Variants in GPD2 observed in about 807,000 individuals in gnomAD.
GPD2 encodes glycerol-3-phosphate dehydrogenase 2.
Under a neutral mutation model 82.4 loss-of-function variants are expected in GPD2, and 54 were observed. The observed-to-expected ratio is 0.66, with a 90% CI of 0.53 to 0.82. GPD2 has a LOEUF of 0.82. Among genes scored for constraint, GPD2 ranks in the 40% least tolerant of loss-of-function variants. The pLI, the probability that GPD2 is intolerant of heterozygous loss-of-function variation, is 0.00. For synonymous variants in GPD2, 288 were observed against 306.1 expected (o/e 0.94, Z 0.62); for missense variants, 748 against 896.2 (o/e 0.83, Z 2.11).
chr2:156,428,691 T>C, the GPD2 span, among the ~76,000 whole-genome samples: 1 of 152,230 alleles, frequency 6.6e-6, no homozygotes, highest in Non-Finnish European at 1.5e-5. Flanking sequence ...GTAAAATTTC[T>C]CCTTGATGGA....
chr2:156,417,816 C>T, the GPD2 span, among the ~76,000 whole-genome samples: 15 of 150,142 alleles, frequency 1.0e-4, no homozygotes, highest in African/African-American at 3.7e-4. Context: ...CCAGGAGTTC[C>T]AGGTTGCAGT....
intron 6 of GPD2, among the ~76,000 whole-genome samples, chr2:156,526,758 A>T (rs1186590241): frequency 2.0e-5 from 3 of 152,138 alleles, no homozygotes; most frequent in Admixed American, 2.0e-4. Context: ...TCTCCTTCAG[A>T]AAAACAAAAT....
intron 2 of GPD2, among the ~76,000 whole-genome samples, chr2:156,487,690 G>A (rs1683998885): frequency 6.6e-6 from 1 of 152,208 alleles, no homozygotes; most frequent in African/African-American, 2.4e-5. Context: ...CAGCTTCTAG[G>A]CAACTAATGG....
intron 13 of GPD2, among the ~76,000 whole-genome samples, chr2:156,574,581 C>T (rs1687750049): frequency 1.4e-5 from 2 of 146,358 alleles, no homozygotes. Context: ...CTGAGAGTCT[C>T]ACAAAAATAC....
chr2:156,432,787 G>A (rs1237923773), upstream of GPD2, among the ~76,000 whole-genome samples: 1 of 152,176 alleles, frequency 6.6e-6, no homozygotes. Flanking sequence ...GTGGGAGAGT[G>A]GGAACTATAG....
chr2:156,541,502 A>G (rs1186097614), intron 6 of GPD2, among the ~76,000 whole-genome samples: 5 of 152,192 alleles, frequency 3.3e-5, no homozygotes, highest in African/African-American at 1.2e-4. Context: ...TGGGTGTTCA[A>G]TAAATATTTA....
At chr2:156,529,123 T>C (rs867710099) in intron 6 of GPD2, among the ~76,000 whole-genome samples, 24 of 146,898 alleles carry the variant, frequency 1.6e-4, no homozygotes, top group Middle Eastern at 3.4e-3. Flanking sequence ...TTTTAATGAT[T>C]GCCATTCTAA....
chr2:156,509,765 C>CTTTTTTTTTTTT (rs60361072), intron 3 of GPD2, among the ~76,000 whole-genome samples: 11 of 117,374 alleles, frequency 9.4e-5, no homozygotes, highest in Non-Finnish European at 1.5e-4. Context: ...ATATGTTCTT[C>CTTTTTTTTTTTT]TTTTTTTTTT....
intron 6 of GPD2, among the ~76,000 whole-genome samples, chr2:156,529,223 G>A (rs1685739622): frequency 6.6e-6 from 1 of 151,022 alleles, no homozygotes; most frequent in Non-Finnish European, 1.5e-5. Context: ...TTTTTTGGCT[G>A]CATAAATGTC....
chr2:156,540,083 G>A (rs1686247855), intron 6 of GPD2, among the ~76,000 whole-genome samples: 1 of 152,124 alleles, frequency 6.6e-6, no homozygotes, highest in Non-Finnish European at 1.5e-5. Context: ...TGAGCAGCAG[G>A]CAGAAATACT....
Position 156,533,629 on chromosome 2 carries a change from G to T in GPD2, c.662-15979G>T, listed in dbSNP as rs556439435. ...CTGAATTTCATGGTGTGTGATTATT[G>T]GGAAGAAGTTGACTGAATGTTGATA... is the stretch of plus-strand genomic sequence containing the variant. On this transcript the variant is annotated intron_variant, in intron 6 of 16. Coordinates refer to ENST00000438166, the MANE Select transcript of GPD2 (RefSeq NM_000408.5). Among the ~76,000 whole-genome samples the T allele has an allele frequency of 1.5e-4, 23 of 152,298 alleles. No individual in the cohort carries two copies. The South Asian group carries it at 4.8e-3, about 32-fold the overall frequency.
chr2:156,417,916 G>C, the GPD2 span, among the ~76,000 whole-genome samples: 14 of 152,134 alleles, frequency 9.2e-5, no homozygotes, highest in African/African-American at 3.1e-4. Context: ...AAATTGATTT[G>C]AGGAAAAATG....
chr2:156,583,545 A>G lies in GPD2; in HGVS notation c.*627A>G, dbSNP rs1313997959. On this transcript the variant is annotated 3_prime_UTR_variant, in exon 17 of 17. Coordinates refer to ENST00000438166, the MANE Select transcript of GPD2 (RefSeq NM_000408.5). The stretch of plus-strand genomic sequence containing the variant: ...GGGAAGGAAAAGTTTAGATCTGGTT[A>G]CTGGAGCAAGTCTCAAAGAGAAACT... 1 of 157,638 alleles carries G rather than the reference A, an allele frequency of 6.3e-6. No individual in the cohort carries two copies. Among genetic ancestry groups the G allele is most frequent in the Non-Finnish European group, 1.4e-5 (1 of 70,990 alleles). 9.8% of individuals were successfully genotyped at this position (157,638 alleles called of 1,614,324 possible).
rs1250356996 is a variant in GPD2, at chr2:156,549,599, C to G, written c.662-9C>G. 2 of 1,613,558 alleles carry G rather than the reference C, an allele frequency of 1.2e-6. No homozygotes were observed. The highest frequency in any genetic ancestry group is 2.2e-5 in the South Asian group (2 of 91,064). ...TCCTCTCCCTCCCCTGATGCTTTCCCCGCTGCAGGACAACATAACGATGCA... is the reference window on the plus strand; with the variant it reads ...TCCTCTCCCTCCCCTGATGCTTTCCGCGCTGCAGGACAACATAACGATGCA... On this transcript the variant is annotated splice_polypyrimidine_tract_variant and intron_variant, in intron 6 of 16. Coordinates refer to ENST00000438166, the MANE Select transcript of GPD2 (RefSeq NM_000408.5).
upstream of GPD2, among the ~76,000 whole-genome samples, chr2:156,430,651 A>G (rs1408034094): frequency 6.6e-6 from 1 of 152,200 alleles, no homozygotes; most frequent in Non-Finnish European, 1.5e-5. Flanking sequence ...TAGAAAATGA[A>G]AGTGTGGGGT....
chr2:156,503,699 C>T (rs115244945), intron 3 of GPD2, among the ~76,000 whole-genome samples: 53 of 152,032 alleles, frequency 3.5e-4, no homozygotes, highest in African/African-American at 1.2e-3. Flanking sequence ...GTTTTTAAAG[C>T]GAGATGGTAT....
At chr2:156,562,946 C>T (rs1687229513) in intron 9 of GPD2, among the ~76,000 whole-genome samples, 1 of 152,136 alleles carries the variant, frequency 6.6e-6, no homozygotes, top group African/African-American at 2.4e-5. Flanking sequence ...AAAAAATTAA[C>T]TGGGTGCCCT....
intron 9 of GPD2, among the ~76,000 whole-genome samples, chr2:156,561,040 CTTTTTTTTTTTTTTT>C (rs35948070): frequency 7.2e-5 from 2 of 27,624 alleles, no homozygotes; most frequent in African/African-American, 2.8e-4. Context: ...TGACATTAAG[CTTTTTTTTTTTTTTT>C]TTTTTTTTTT....
At chr2:156,469,702 G>A (rs1009660560) in intron 1 of GPD2, among the ~76,000 whole-genome samples, 1 of 152,174 alleles carries the variant, frequency 6.6e-6, no homozygotes, top group South Asian at 2.1e-4. Flanking sequence ...TGATCTTTGA[G>A]CTGTACTCTC....
Sources: gnomAD v4.1 joint callset for allele counts (sites outside exome capture counted in the v4.1 genomes callset) on GRCh38, gnomAD v4.1.1 for gene constraint, MANE v1.5 for transcripts, NCBI Gene and HGNC (gene_info 2026-07-23, HGNC 2026-07-21) for gene names.